FYB2: variants seen among roughly 807,000 people sequenced by gnomAD.
The protein encoded by FYB2 is FYN binding protein 2.
In FYB2, 103 loss-of-function variants were observed where a neutral mutation model predicts 94.1. The ratio of observed to expected loss-of-function variants is 1.09; its 90% CI spans 0.93 to 1.29. FYB2 has a LOEUF of 1.29. Among genes scored for constraint, FYB2 ranks in the 50% most tolerant of loss-of-function variants. The pLI is 0.00. For synonymous variants in FYB2, 293 were observed against 287.9 expected, an observed-to-expected ratio of 1.02 and a Z score of -0.18; for missense variants, 896 against 841.5, an observed-to-expected ratio of 1.06 and a Z score of -0.80.
chr1:56,763,299 T>A (rs939042894), intron 5 of FYB2, among the ~76,000 whole-genome samples: 87 of 152,312 alleles, frequency 5.7e-4, no homozygotes, highest in African/African-American at 2.0e-3. Context: ...TGTTTTCTCC[T>A]CCATTTTTGG....
In FYB2 at chr1:56,787,225, C is replaced by T. The variant is rs764922120; in HGVS notation, c.920-17G>A. ...CCACAGTCACTGCAAGAGAAAGAGG[C>T]GGAATGAAAAAGAGGCATTTGCAGC... On this transcript the variant is annotated splice_polypyrimidine_tract_variant and intron_variant, in intron 3 of 19. Transcript: ENST00000343433. 119 of 1,613,512 alleles carry T rather than the reference C, an allele frequency of 7.4e-5. No homozygotes were observed. In the South Asian group the frequency reaches 9.1e-4, roughly 12 times the overall value.
chr1:56,788,522 G>C (rs1159465944), intron 3 of FYB2, among the ~76,000 whole-genome samples: 1 of 152,152 alleles, frequency 6.6e-6, no homozygotes, highest in Non-Finnish European at 1.5e-5. Context: ...GGGGGTTGCA[G>C]GCTTTCAGTT....
At chr1:56,746,348 T>C (rs1645067076) in intron 9 of FYB2, among the ~76,000 whole-genome samples, 2 of 152,026 alleles carry the variant, frequency 1.3e-5, no homozygotes, top group South Asian at 4.1e-4. Context: ...TTTTATCTAT[T>C]ATCTTAGTAC....
chr1:56,751,233 A>C (rs534795391), intron 8 of FYB2, 30 bp from the exon 9 acceptor site: 1 of 1,605,736 alleles, frequency 6.2e-7, no homozygotes, highest in South Asian at 1.1e-5. Context: ...AGAATACTGT[A>C]GGGCTGTGAC....
upstream of FYB2, among the ~76,000 whole-genome samples, chr1:56,822,692 CAT>C (rs1334554603): frequency 6.7e-6 from 1 of 149,456 alleles, no homozygotes; most frequent in East Asian, 2.0e-4. Flanking sequence ...TCTCAGCAAA[CAT>C]ATTACTTACA....
At chr1:56,801,343 G>C (rs1038814830) in intron 1 of FYB2, among the ~76,000 whole-genome samples, 7 of 151,820 alleles carry the variant, frequency 4.6e-5, no homozygotes, top group African/African-American at 1.7e-4. Flanking sequence ...TCCTGCAAAG[G>C]GCATATCAAA....
At chr1:56,731,007 A>C (rs2100537347) in intron 15 of FYB2, among the ~76,000 whole-genome samples, 1 of 152,230 alleles carries the variant, frequency 6.6e-6, no homozygotes, top group Admixed American at 6.5e-5. Context: ...CAGGAAGTCA[A>C]GGCTGCAGTG....
intron 8 of FYB2, among the ~76,000 whole-genome samples, chr1:56,752,832 T>C (rs553009929): frequency 4.0e-4 from 61 of 152,212 alleles, no homozygotes; most frequent in African/African-American, 1.3e-3. Flanking sequence ...GAGCTTGTGA[T>C]TTTTCATGGC....
chr1:56,722,672 G>C (rs1464110425), intron 17 of FYB2, among the ~76,000 whole-genome samples: 1 of 152,040 alleles, frequency 6.6e-6, no homozygotes, highest in Non-Finnish European at 1.5e-5. Flanking sequence ...TCGAGGGACA[G>C]AACTATGAGC....
rs773750621 is a variant in FYB2, at chr1:56,750,997, A to G, written c.1387+47T>C. The G allele has an allele frequency of 1.0e-5, 16 of 1,585,492 alleles. No individual in the cohort carries two copies. The Admixed American group carries it at 2.8e-4, about 28-fold the overall frequency. On this transcript the variant is annotated intron_variant, in intron 9 of 19. Coordinates refer to ENST00000343433, the MANE Select transcript of FYB2 (RefSeq NM_001004303.5). ...TAAAATTTTGGCCATGCTCAGCTAT[A>G]AAACAAATTGTAATGATGAAGAAGA...
intron 8 of FYB2, 86 bp downstream of exon 8, chr1:56,753,753 G>T (rs949169010): frequency 7.0e-6 from 6 of 859,300 alleles, no homozygotes; most frequent in Non-Finnish European, 7.6e-6. Flanking sequence ...CTGTCTCTCT[G>T]AAGAGCTCTC....
At chr1:56,806,184 C>T (rs1646643225) in intron 1 of FYB2, among the ~76,000 whole-genome samples, 1 of 152,262 alleles carries the variant, frequency 6.6e-6, no homozygotes, top group South Asian at 2.1e-4. Flanking sequence ...ACGATGACAA[C>T]ACCTTGAGGT....
intron 4 of FYB2, among the ~76,000 whole-genome samples, chr1:56,776,547 A>G (rs1442474661): frequency 6.6e-6 from 1 of 152,168 alleles, no homozygotes; most frequent in African/African-American, 2.4e-5. Context: ...AACCAGTCAA[A>G]ACTTCAACAG....
At chr1:56,768,033 G>A (rs1645667710) in intron 4 of FYB2, 95 bp from the exon 5 acceptor site, 1 of 926,330 alleles carries the variant, frequency 1.1e-6, no homozygotes, top group South Asian at 1.7e-5. Flanking sequence ...TAATATGTGT[G>A]TCTGGCCAAT....
chr1:56,812,090 C>A (rs1186192144), intron 1 of FYB2, among the ~76,000 whole-genome samples: 4 of 152,166 alleles, frequency 2.6e-5, no homozygotes, highest in African/African-American at 9.7e-5. Context: ...TTGATTATAT[C>A]AACAACTATG....
chr1:56,765,848 C>A (rs1241204323), intron 5 of FYB2, among the ~76,000 whole-genome samples: 1 of 152,114 alleles, frequency 6.6e-6, no homozygotes, highest in African/African-American at 2.4e-5. Context: ...TACATAATGC[C>A]TGGGGCTTTT....
chr1:56,796,382 C>T (rs60601206), intron 1 of FYB2, among the ~76,000 whole-genome samples: 4,699 of 152,040 alleles, frequency 0.031, 232 homozygotes, highest in African/African-American at 0.11. Flanking sequence ...TTTCAGCTGC[C>T]GCAGCTAGTC....
At position 56,795,278 on chromosome 1, in the gene FYB2, G is replaced by A. The variant is rs184543543; in HGVS notation, c.10-2475C>T. ...ATTTCACTTATTACAATGGCCTCAA[G>A]GTTTAGCCATGTTGAAGCATGTGTT... is the stretch of plus-strand genomic sequence containing the variant. On this transcript the variant is annotated intron_variant, in intron 1 of 19. Transcript: ENST00000343433. Among the ~76,000 whole-genome samples the A allele has an allele frequency of 7.0e-4, 106 of 152,050 alleles. 1 individual carries two copies. The highest frequency in any genetic ancestry group is 2.3e-3 in the African/African-American group (97 of 41,498).
chr1:56,760,639 A>G (rs1041660096), intron 5 of FYB2, among the ~76,000 whole-genome samples: 1 of 152,142 alleles, frequency 6.6e-6, no homozygotes, highest in African/African-American at 2.4e-5. Context: ...TATGCTTTTC[A>G]AAAACAAATC....
Sources: gnomAD v4.1 joint callset for allele counts (sites outside exome capture counted in the v4.1 genomes callset) on GRCh38, gnomAD v4.1.1 for gene constraint, MANE v1.5 for transcripts, NCBI Gene and HGNC (gene_info 2026-07-23, HGNC 2026-07-21) for gene names.